PLEKHH2: variants seen among roughly 807,000 people sequenced by gnomAD.
PLEKHH2 encodes the protein pleckstrin homology, MyTH4 and FERM domain containing H2, also known as pleckstrin homology domain-containing family H member 2.
In PLEKHH2, 129 loss-of-function variants were observed where a neutral mutation model predicts 187.9. That is an observed-to-expected ratio of 0.69 (90% CI 0.59 to 0.79). The LOEUF (loss-of-function observed/expected upper bound fraction) is 0.79. Ranked by LOEUF, PLEKHH2 falls within the 30% of genes least tolerant of loss-of-function variation. The pLI is 0.00. For missense variants in PLEKHH2, 2,076 were observed against 1,751.2 expected (o/e 1.19, Z -3.31); for synonymous variants, 686 against 605.6 (o/e 1.13, Z -1.95).
chr2:43,691,686 TA>T (rs149339082), intron 3 of PLEKHH2, among the ~76,000 whole-genome samples: 2,360 of 152,264 alleles, frequency 0.015, 56 homozygotes, highest in African/African-American at 0.052. Context: ...GTTCTTTTTT[TA>T]AAAAAACATA....
At chr2:43,655,165 C>G (rs904648569) in intron 2 of PLEKHH2, among the ~76,000 whole-genome samples, 3 of 151,906 alleles carry the variant, frequency 2.0e-5, no homozygotes, top group Non-Finnish European at 4.4e-5. Context: ...ATAATGATGC[C>G]TGGGCTAAAA....
At chr2:43,763,437 T>A (rs1207394453) in intron 28 of PLEKHH2, among the ~76,000 whole-genome samples, 1 of 151,622 alleles carries the variant, frequency 6.6e-6, no homozygotes, top group African/African-American at 2.4e-5. Flanking sequence ...GATTTTTTTT[T>A]GAGGCAGGGT....
At chr2:43,686,616 A>G (rs898158131) in intron 3 of PLEKHH2, among the ~76,000 whole-genome samples, 4 of 152,230 alleles carry the variant, frequency 2.6e-5, no homozygotes, top group Non-Finnish European at 5.9e-5. Flanking sequence ...CATTATATGG[A>G]AAGCAAATTA....
intron 1 of PLEKHH2, among the ~76,000 whole-genome samples, chr2:43,643,997 T>C (rs931037052): frequency 3.9e-5 from 6 of 152,080 alleles, no homozygotes; most frequent in Admixed American, 6.6e-5. Context: ...AACTCCAAAT[T>C]GCATGTATAT....
intron 2 of PLEKHH2, chr2:43,675,747 C>T: frequency 6.2e-7 from 1 of 1,613,726 alleles, no homozygotes. Context: ...TAAGTCTTTT[C>T]ATCAACTCTC....
chr2:43,755,626 G>T (rs181146420), intron 25 of PLEKHH2, among the ~76,000 whole-genome samples: 1 of 152,282 alleles, frequency 6.6e-6, no homozygotes, highest in East Asian at 1.9e-4. Flanking sequence ...CTCTGCTTCC[G>T]GTGGTATCAG....
chr2:43,674,582 C>T (rs1337600111), intron 2 of PLEKHH2, among the ~76,000 whole-genome samples: 2 of 152,192 alleles, frequency 1.3e-5, no homozygotes, highest in African/African-American at 4.8e-5. Context: ...AATATTTTCA[C>T]AGAAATTAAA....
intron 3 of PLEKHH2, among the ~76,000 whole-genome samples, chr2:43,686,958 G>GTCCCCCCTTCTCTCTATATATATTTATA: frequency 1.5e-5 from 2 of 130,878 alleles, no homozygotes; most frequent in Admixed American, 1.5e-4. Context: ...ATCTGGCCAT[G>GTCCCCCCTTCTCTCTATATATATTTATA]TCCCCCCTTC....
chr2:43,758,126 T>C (rs985940946), intron 26 of PLEKHH2, among the ~76,000 whole-genome samples: 3 of 152,266 alleles, frequency 2.0e-5, no homozygotes, highest in African/African-American at 7.2e-5. Context: ...CTTTTGTCTA[T>C]GTAGAATAAG....
Position 43,734,890 on chromosome 2 carries a change from A to G in PLEKHH2, c.2943+3288A>G, listed in dbSNP as rs139315658. On this transcript the variant is annotated intron_variant, in intron 19 of 29. Coordinates refer to ENST00000282406, the MANE Select transcript of PLEKHH2 (RefSeq NM_172069.4). ...TGAATGGATAATGATGGGCCGGGCC[A>G]GTGGCTCAGGCCTGTAATCCCAGCA... is the stretch of plus-strand genomic sequence containing the variant. 3.2e-3 allele frequency among the ~76,000 whole-genome samples: 480 copies of G among 152,314 alleles called. 15 individuals carry two copies. In the East Asian group the frequency reaches 0.065, roughly 21 times the overall value.
chr2:43,727,194 A>G (rs1167794885), intron 17 of PLEKHH2, among the ~76,000 whole-genome samples: 1 of 152,162 alleles, frequency 6.6e-6, no homozygotes, highest in East Asian at 1.9e-4. Context: ...CGGGTGGATC[A>G]CAAGGTCAGG....
intron 2 of PLEKHH2, among the ~76,000 whole-genome samples, chr2:43,665,754 C>T (rs796320712): frequency 0.022 from 2,817 of 125,974 alleles, 45 homozygotes; most frequent in African/African-American, 0.041. Flanking sequence ...CAGTGTGCCC[C>T]TGCTGGGGGG....
chr2:43,676,027 T>A, intron 2 of PLEKHH2: 1 of 1,614,040 alleles, frequency 6.2e-7, no homozygotes, highest in Non-Finnish European at 8.5e-7. Flanking sequence ...ATCGTAGAGC[T>A]CTGCTTTGTC....
At chr2:43,730,351 C>A (rs1670978263) in intron 18 of PLEKHH2, among the ~76,000 whole-genome samples, 1 of 152,082 alleles carries the variant, frequency 6.6e-6, no homozygotes. Context: ...CAGTGTGGCC[C>A]AGGGAAGCCA....
intron 3 of PLEKHH2, among the ~76,000 whole-genome samples, chr2:43,679,165 A>C (rs1394569051): frequency 6.6e-6 from 1 of 152,210 alleles, no homozygotes; most frequent in African/African-American, 2.4e-5. Flanking sequence ...GAAAAATCAA[A>C]TATGACTTTT....
At chr2:43,683,141 C>CT (rs1453351199) in intron 3 of PLEKHH2, among the ~76,000 whole-genome samples, 3 of 117,328 alleles carry the variant, frequency 2.6e-5, no homozygotes, top group Non-Finnish European at 5.3e-5. Flanking sequence ...ATTTATATAC[C>CT]CTTTTTTTTT....
At chr2:43,677,569 A>G (rs1203595350) in intron 2 of PLEKHH2, among the ~76,000 whole-genome samples, 1 of 151,900 alleles carries the variant, frequency 6.6e-6, no homozygotes, top group Non-Finnish European at 1.5e-5. Context: ...TTAGTACAGA[A>G]CAAAATGAAA....
At chr2:43,668,032 G>T (rs981853631) in intron 2 of PLEKHH2, among the ~76,000 whole-genome samples, 13 of 152,012 alleles carry the variant, frequency 8.6e-5, no homozygotes, top group African/African-American at 1.2e-4. Context: ...ATTCTTTTTT[G>T]TTGTTGTTGT....
At chr2:43,751,381 A>G (rs1672003426) in intron 24 of PLEKHH2, among the ~76,000 whole-genome samples, 1 of 152,146 alleles carries the variant, frequency 6.6e-6, no homozygotes, top group South Asian at 2.1e-4. Context: ...GTGAACAGAG[A>G]GAGATTGCAG....
Sources: allele counts gnomAD v4.1 joint callset (sites outside exome capture counted in the v4.1 genomes callset), GRCh38; gene constraint gnomAD v4.1.1; transcripts MANE v1.5; gene names NCBI Gene and HGNC (gene_info 2026-07-23, HGNC 2026-07-21).